The following MALRD1 variants were observed in gnomAD, a reference collection of about 807,000 sequenced individuals.
MALRD1 encodes MAM and LDL receptor class A domain containing 1, also known as MAM and LDL-receptor class A domain-containing protein 1.
In MALRD1, 247 loss-of-function variants were observed where a neutral mutation model predicts 242.1. The observed-to-expected ratio is 1.02, with a 90% CI of 0.92 to 1.13. MALRD1 has a LOEUF of 1.13. MALRD1 is among the 50% of genes most tolerant of loss of function. MALRD1 has a pLI of 0.00. For missense variants in MALRD1, 2,989 were observed against 2,533.1 expected (o/e 1.18, Z -3.86); for synonymous variants, 995 against 866.6 (o/e 1.15, Z -2.60).
intron 22 of MALRD1, among the ~76,000 whole-genome samples, chr10:19,325,008 T>A (rs1414734942): frequency 1.9e-5 from 1 of 52,628 alleles, no homozygotes; most frequent in African/African-American, 4.9e-5. Context: ...AGTAGTTGCT[T>A]TTTTTTTTTT....
At chr10:19,269,920 A>T (rs1181819567) in intron 19 of MALRD1, among the ~76,000 whole-genome samples, 1 of 152,192 alleles carries the variant, frequency 6.6e-6, no homozygotes, top group Non-Finnish European at 1.5e-5. Context: ...CTCAGTATGA[A>T]CTCATCGGTC....
At chr10:19,442,345 C>G (rs1306070810) in intron 28 of MALRD1, among the ~76,000 whole-genome samples, 1 of 152,072 alleles carries the variant, frequency 6.6e-6, no homozygotes, top group Non-Finnish European at 1.5e-5. Flanking sequence ...TGTCTGATTG[C>G]CAGCATCATG....
At chr10:19,386,844 A>G (rs1846102397) in intron 26 of MALRD1, among the ~76,000 whole-genome samples, 1 of 152,118 alleles carries the variant, frequency 6.6e-6, no homozygotes, top group African/African-American at 2.4e-5. Context: ...GATCCAAGTC[A>G]TGTTACTAAT....
At chr10:19,620,018 TAA>T (rs1306034184) in intron 36 of MALRD1, among the ~76,000 whole-genome samples, 2 of 37,792 alleles carry the variant, frequency 5.3e-5, no homozygotes, top group Non-Finnish European at 1.4e-4. Flanking sequence ...ATAATAATAA[TAA>T]ATAATAATAA....
chr10:19,563,983 C>G (rs1198170744), intron 32 of MALRD1, among the ~76,000 whole-genome samples: 2 of 152,166 alleles, frequency 1.3e-5, no homozygotes, highest in African/African-American at 4.8e-5. Flanking sequence ...ATGTAATGTG[C>G]CTGCTCCCAG....
At chr10:19,410,178 T>A (rs952530811) in intron 28 of MALRD1, among the ~76,000 whole-genome samples, 1 of 152,218 alleles carries the variant, frequency 6.6e-6, no homozygotes, top group African/African-American at 2.4e-5. Flanking sequence ...ATTTAAGCAA[T>A]TCTTAAACAT....
chr10:19,729,543 T>C (rs967465980), intron 38 of MALRD1, among the ~76,000 whole-genome samples: 1 of 150,742 alleles, frequency 6.6e-6, no homozygotes, highest in African/African-American at 2.4e-5. Flanking sequence ...ATGTATAGGA[T>C]CCTTTCTTAT....
At chr10:19,458,073 C>T (rs1835752950) in intron 29 of MALRD1, among the ~76,000 whole-genome samples, 1 of 152,032 alleles carries the variant, frequency 6.6e-6, no homozygotes. Flanking sequence ...TTATACACTG[C>T]AATGCACCTT....
chr10:19,382,341 CGT>C (rs373616841), intron 26 of MALRD1, among the ~76,000 whole-genome samples: 3 of 88,130 alleles, frequency 3.4e-5, no homozygotes, highest in Non-Finnish European at 4.5e-5. Context: ...TAGATGGAAG[CGT>C]GTGTGTGTGT....
In MALRD1 at chr10:19,607,897, G is replaced by A; in HGVS notation, c.6065G>A (p.Cys2022Tyr). 1 of 1,549,588 alleles carries A rather than the reference G, an allele frequency of 6.5e-7. No individual in the cohort carries two copies. The highest frequency in any genetic ancestry group is 8.7e-7 in the Non-Finnish European group (1 of 1,146,448). The change falls in exon 35 of 40, where the codon TGC (cysteine) becomes TAC (tyrosine). Residue 2022 changes from cysteine (C) to tyrosine (Y), a missense_variant. By Grantham distance (194) the Cys-to-Tyr change is radical (BLOSUM62 -2). Transcript: ENST00000454679. ...CMDFQLDESS[C>Y]SECPLNYCRN... The stretch of plus-strand genomic sequence containing the variant: ...GATTTCCAGCTTGATGAGTCCAGCT[G>A]CTCCGGTACCCCATTTCCATTCAGA...
intron 21 of MALRD1, among the ~76,000 whole-genome samples, chr10:19,295,059 T>G (rs1449975058): frequency 6.6e-6 from 1 of 152,112 alleles, no homozygotes; most frequent in African/African-American, 2.4e-5. Flanking sequence ...ATTTACTAAT[T>G]CAAGTCATCA....
intron 14 of MALRD1, among the ~76,000 whole-genome samples, chr10:19,187,668 A>T (rs999259731): frequency 6.6e-6 from 1 of 152,124 alleles, no homozygotes; most frequent in African/African-American, 2.4e-5. Flanking sequence ...TTGCAGCAAC[A>T]TGGATTGAGT....
chr10:19,686,641 ATCACCTGATGG>A (rs1490438410), intron 36 of MALRD1, among the ~76,000 whole-genome samples: 1 of 152,138 alleles, frequency 6.6e-6, no homozygotes, highest in African/African-American at 2.4e-5. Flanking sequence ...CTGCCTAACC[ATCACCTGATGG>A]TCACCTGGCA....
chr10:19,384,442 A>T (rs1190202539), intron 26 of MALRD1, among the ~76,000 whole-genome samples: 6 of 117,300 alleles, frequency 5.1e-5, no homozygotes, highest in African/African-American at 2.0e-4. Context: ...ATTATATATT[A>T]TATAGTATAT....
chr10:19,229,015 T>A (rs1221150094), intron 18 of MALRD1, among the ~76,000 whole-genome samples: 3 of 151,858 alleles, frequency 2.0e-5, no homozygotes, highest in Non-Finnish European at 1.5e-5. Flanking sequence ...AGTGTGTGAT[T>A]TGAAGAATTG....
intron 5 of MALRD1, among the ~76,000 whole-genome samples, chr10:19,116,061 C>A (rs1836860135): frequency 6.6e-6 from 1 of 151,842 alleles, no homozygotes; most frequent in South Asian, 2.1e-4. Flanking sequence ...CTGCCCCTTC[C>A]AAGATATGAA....
chr10:19,204,483 C>G lies in MALRD1; in HGVS notation c.2210+70C>G, dbSNP rs1049631839. The stretch of plus-strand genomic sequence containing the variant: ...TGGTGGTGAAGTGTTTGCAGGCATA[C>G]CTCTGCACTTATTCATTTCTGTGGT... On this transcript the variant is annotated intron_variant, in intron 16 of 39. Transcript: ENST00000454679. 34 of 1,013,590 alleles carry G rather than the reference C, an allele frequency of 3.4e-5. No individual in the cohort carries two copies. In the Admixed American group the frequency reaches 9.5e-4, roughly 28 times the overall value. 62.8% of individuals were successfully genotyped at this position (1,013,590 alleles called of 1,614,324 possible).
intron 14 of MALRD1, among the ~76,000 whole-genome samples, chr10:19,202,534 C>T (rs974587227): frequency 1.3e-5 from 2 of 151,870 alleles, no homozygotes; most frequent in Non-Finnish European, 2.9e-5. Flanking sequence ...TTAAAATGCC[C>T]TTATAATTTT....
rs562476527 is a variant in MALRD1 at position 19,426,628 on chromosome 10, C to T, written c.4846-23679C>T. Among the ~76,000 whole-genome samples the T allele has an allele frequency of 7.2e-5, 11 of 152,084 alleles. No homozygotes were observed. In the East Asian group the frequency reaches 1.9e-3, roughly 27 times the overall value. ...ACCAACCTGGCCAACATGGTAAAAC[C>T]CTGTCTCTACTAAAAACACAAAAAA... On this transcript the variant is annotated intron_variant, in intron 28 of 39. Coordinates refer to ENST00000454679, the MANE Select transcript of MALRD1 (RefSeq NM_001142308.3).
Sources: allele counts gnomAD v4.1 joint callset (sites outside exome capture counted in the v4.1 genomes callset), GRCh38; gene constraint gnomAD v4.1.1; transcripts MANE v1.5; gene names NCBI Gene and HGNC (gene_info 2026-07-23, HGNC 2026-07-21).